SHISA6: variants seen among roughly 807,000 people sequenced by gnomAD.
The protein encoded by SHISA6 is protein shisa-6.
Under a neutral mutation model 47.9 loss-of-function variants are expected in SHISA6, and 22 were observed. The observed-to-expected ratio is 0.46, with a 90% CI of 0.33 to 0.66. The LOEUF is 0.66. Among genes scored for constraint, SHISA6 ranks in the 30% least tolerant of loss-of-function variants. The pLI is 0.02. For missense variants in SHISA6, 680 were observed against 764.6 expected (o/e 0.89, Z 1.30); for synonymous variants, 388 against 337.8 (o/e 1.15, Z -1.63).
intron 1 of SHISA6, among the ~76,000 whole-genome samples, chr17:11,254,491 A>G (rs1907935483): frequency 6.6e-6 from 1 of 152,226 alleles, no homozygotes; most frequent in South Asian, 2.1e-4. Context: ...TGCTTTTAGC[A>G]TCTTCGACTC....
chr17:11,415,891 G>C (rs1184785619), intron 3 of SHISA6, among the ~76,000 whole-genome samples: 1 of 152,200 alleles, frequency 6.6e-6, no homozygotes, highest in African/African-American at 2.4e-5. Flanking sequence ...GCTTAAAAAA[G>C]ACATTAATTT....
chr17:11,251,276 G>A (rs1048933616), intron 1 of SHISA6, among the ~76,000 whole-genome samples: 1 of 152,142 alleles, frequency 6.6e-6, no homozygotes, highest in Non-Finnish European at 1.5e-5. Flanking sequence ...AACCAGAACG[G>A]CGGCCCCCAT....
chr17:11,329,708 T>C (rs1036560672), intron 2 of SHISA6, among the ~76,000 whole-genome samples: 22 of 152,062 alleles, frequency 1.4e-4, no homozygotes, highest in Non-Finnish European at 5.9e-5. Flanking sequence ...CAAGAACCAG[T>C]TGGAGGGGAC....
intron 3 of SHISA6, among the ~76,000 whole-genome samples, chr17:11,430,770 G>A (rs1057278351): frequency 6.6e-6 from 1 of 152,174 alleles, no homozygotes; most frequent in African/African-American, 2.4e-5. Flanking sequence ...TCAGAGGTAG[G>A]GTGTGAACCC....
At chr17:11,523,784 T>A (rs1213582777) in intron 3 of SHISA6, among the ~76,000 whole-genome samples, 1 of 152,110 alleles carries the variant, frequency 6.6e-6, no homozygotes, top group African/African-American at 2.4e-5. Context: ...GGTGGGCAGA[T>A]CACCTGAGGT....
chr17:11,551,927 C>T lies in SHISA6; in HGVS notation c.927C>T (p.Ser309=), dbSNP rs534016753. Residue 309 remains serine (S), a synonymous_variant, in exon 4 of 6, where the codon AGC becomes AGT. Coordinates refer to ENST00000441885, the MANE Select transcript of SHISA6 (RefSeq NM_207386.4). ...ATCAATATAACCATCCGATTTTGAGCAGTGTTACCCAGATCCCGCCACATG... is the reference window on the plus strand; with the variant it reads ...ATCAATATAACCATCCGATTTTGAGTAGTGTTACCCAGATCCCGCCACATG... ...GDHQYNHPIL[S]SVTQIPPHEK... is the part of the protein sequence containing the mutation. 1 of 1,551,644 alleles carries T rather than the reference C, an allele frequency of 6.4e-7. No individual in the cohort carries two copies. The highest frequency in any genetic ancestry group is 2.4e-5 in the East Asian group (1 of 40,922).
chr17:11,434,780 A>G (rs979739191), intron 3 of SHISA6, among the ~76,000 whole-genome samples: 2 of 152,174 alleles, frequency 1.3e-5, no homozygotes, highest in African/African-American at 4.8e-5. Context: ...TAGTGTATTT[A>G]AATGGTCTTT....
Position 11,525,558 on chromosome 17 carries a change from G to A in SHISA6, c.896-26338G>A, listed in dbSNP as rs961428320. The stretch of plus-strand genomic sequence containing the variant: ...GGAGGCAGGAGAATCGCTTGAACCC[G>A]GGAGGTGGAAGTTGCAGGGAGCCGA... On this transcript the variant is annotated intron_variant, in intron 3 of 5. Transcript: ENST00000441885. Among the ~76,000 whole-genome samples, 6 of 141,886 alleles carry A rather than the reference G, an allele frequency of 4.2e-5. No homozygotes were observed. The East Asian group carries it at 6.7e-4, about 16-fold the overall frequency. 93.1% of individuals were successfully genotyped at this position (141,886 alleles called of 152,430 possible).
At chr17:11,435,380 G>A (rs190158020) in intron 3 of SHISA6, among the ~76,000 whole-genome samples, 5 of 152,008 alleles carry the variant, frequency 3.3e-5, no homozygotes. Context: ...AAAATACTAT[G>A]AAATTTACAC....
chr17:11,412,583 T>C (rs149257681), intron 3 of SHISA6, among the ~76,000 whole-genome samples: 2,101 of 151,800 alleles, frequency 0.014, 25 homozygotes, highest in South Asian at 0.037. Flanking sequence ...ACTCTGTCGC[T>C]CAGGCTGGAG....
At chr17:11,445,424 TCA>T (rs1249237989) in intron 3 of SHISA6, among the ~76,000 whole-genome samples, 1 of 152,162 alleles carries the variant, frequency 6.6e-6, no homozygotes, top group Admixed American at 6.5e-5. Context: ...CTGTACACAC[TCA>T]CACATATATC....
chr17:11,510,632 T>C (rs1488585669), intron 3 of SHISA6, among the ~76,000 whole-genome samples: 1 of 152,194 alleles, frequency 6.6e-6, no homozygotes, highest in Non-Finnish European at 1.5e-5. Flanking sequence ...GGCAGTCTTT[T>C]TTCCTGTCTG....
At chr17:11,384,566 A>G (rs2142249279) in intron 3 of SHISA6, among the ~76,000 whole-genome samples, 1 of 152,342 alleles carries the variant, frequency 6.6e-6, no homozygotes, top group South Asian at 2.1e-4. Flanking sequence ...AATTCTTTCC[A>G]GAACCCCCAC....
At chr17:11,306,947 A>G (rs1215136618) in intron 2 of SHISA6, among the ~76,000 whole-genome samples, 1 of 152,200 alleles carries the variant, frequency 6.6e-6, no homozygotes, top group Non-Finnish European at 1.5e-5. Context: ...ATCTTTGCCT[A>G]AAAGATGCCT....
At chr17:11,302,192 T>C (rs1432235062) in intron 2 of SHISA6, among the ~76,000 whole-genome samples, 1 of 152,108 alleles carries the variant, frequency 6.6e-6, no homozygotes, top group East Asian at 1.9e-4. Flanking sequence ...AGCCAAACCA[T>C]ATCAGGCCTA....
rs1354863660 is a variant in SHISA6 at position 11,561,018 on chromosome 17, T to C, written c.*2714T>C. 1 of 152,154 alleles carries C rather than the reference T, an allele frequency of 6.6e-6. No homozygotes were observed. Among genetic ancestry groups the C allele is most frequent in the Non-Finnish European group, 1.5e-5 (1 of 68,032 alleles). 9.4% of individuals were successfully genotyped at this position (152,154 alleles called of 1,614,324 possible). A position where few individuals can be genotyped will look rare whatever the true frequency, so the allele number is the denominator to read the frequency against. ...TCCCACATTTCAAAATCCAGAAAAC[T>C]ATGTCATAGCTGGGACAGAGAGGTA... On this transcript the variant is annotated 3_prime_UTR_variant, in exon 6 of 6. Transcript: ENST00000441885.
rs540837227 is a variant in SHISA6, at chr17:11,314,723, A to G, written c.799+51197A>G. Among the ~76,000 whole-genome samples the G allele has an allele frequency of 3.3e-5, 5 of 152,076 alleles. No homozygotes were observed. The East Asian group carries it at 9.7e-4, about 29-fold the overall frequency. On this transcript the variant is annotated intron_variant, in intron 2 of 5. Transcript: ENST00000441885. ...GCTAATTTTGTTTTTTATTTTTAGT[A>G]GAGACGGGGTTTCACCATATTGGCC...
At position 11,441,203 on chromosome 17, in the gene SHISA6, C is replaced by T. The variant is rs1915085526; in HGVS notation, c.895+61694C>T. On this transcript the variant is annotated intron_variant, in intron 3 of 5. Transcript: ENST00000441885. Reference sequence around the variant, plus strand: ...GGCGTAGACTGGGGCAGTCCAAAGGCTGATTTCTCTGAAACAGCCAACACA... The same window carrying T: ...GGCGTAGACTGGGGCAGTCCAAAGGTTGATTTCTCTGAAACAGCCAACACA... 2.0e-5 allele frequency among the ~76,000 whole-genome samples: 3 copies of T among 152,188 alleles called. No homozygotes were observed. In the South Asian group the frequency reaches 6.2e-4, roughly 32 times the overall value.
intron 1 of SHISA6, among the ~76,000 whole-genome samples, chr17:11,253,390 C>T (rs1378605808): frequency 2.0e-5 from 3 of 151,706 alleles, no homozygotes; most frequent in Non-Finnish European, 4.4e-5. Flanking sequence ...AGAGATTTCA[C>T]AGGGGACATA....
Sources: allele counts gnomAD v4.1 joint callset (sites outside exome capture counted in the v4.1 genomes callset), GRCh38; gene constraint gnomAD v4.1.1; transcripts MANE v1.5; gene names NCBI Gene and HGNC (gene_info 2026-07-23, HGNC 2026-07-21).